SLX4IP: variants seen among roughly 807,000 people sequenced by gnomAD.
SLX4IP encodes protein SLX4IP.
Under a neutral mutation model 32.9 loss-of-function variants are expected in SLX4IP, and 34 were observed. The ratio of observed to expected loss-of-function variants is 1.03; its 90% confidence interval spans 0.79 to 1.38. The LOEUF is 1.38. Ranked by LOEUF, SLX4IP falls within the 40% of genes most tolerant of loss-of-function variation. The pLI is 0.00. For missense variants in SLX4IP, 444 were observed against 479.0 expected (o/e 0.93, Z 0.68); for synonymous variants, 172 against 171.7 (o/e 1.00, Z -0.01).
intron 4 of SLX4IP, among the ~76,000 whole-genome samples, chr20:10,592,104 T>A (rs1224653465): frequency 6.6e-6 from 1 of 152,214 alleles, no homozygotes; most frequent in African/African-American, 2.4e-5. Flanking sequence ...ATAGCTTTAT[T>A]GTGACTCAGA....
intron 4 of SLX4IP, among the ~76,000 whole-genome samples, chr20:10,572,436 A>G (rs2066476988): frequency 6.6e-6 from 1 of 152,156 alleles, no homozygotes; most frequent in Admixed American, 6.6e-5. Context: ...TTTAAAGTTC[A>G]TATTCTCTAT....
chr20:10,510,008 G>A (rs1402848205), intron 2 of SLX4IP, among the ~76,000 whole-genome samples: 1 of 152,084 alleles, frequency 6.6e-6, no homozygotes, highest in Non-Finnish European at 1.5e-5. Flanking sequence ...CAATATAATA[G>A]AATATTATGC....
chr20:10,507,301 G>A (rs1373348488), intron 2 of SLX4IP, among the ~76,000 whole-genome samples: 2 of 139,062 alleles, frequency 1.4e-5, no homozygotes, highest in Admixed American at 7.0e-5. Flanking sequence ...AGTGCCCCAG[G>A]CAGAGGAACA....
intron 4 of SLX4IP, among the ~76,000 whole-genome samples, chr20:10,571,637 T>C (rs187333353): frequency 6.6e-6 from 1 of 152,336 alleles, no homozygotes; most frequent in East Asian, 1.9e-4. Flanking sequence ...TTGTTCCAGT[T>C]GCTTCCCTGC....
rs2065302904 is a variant in SLX4IP at position 10,458,116 on chromosome 20, T to A, written c.-29-60T>A. The A allele has an allele frequency of 3.7e-6, 4 of 1,077,884 alleles. No individual in the cohort carries two copies. The Admixed American group carries it at 7.9e-5, about 21-fold the overall frequency. The allele number at this position is 1,077,884 out of a possible 1,614,324, so 66.8% of individuals were successfully genotyped here. On this transcript the variant is annotated intron_variant, in intron 1 of 7. Transcript: ENST00000334534. Reference sequence around the variant, plus strand: ...CTATTCAGCCCATCTTTTTCCTGTATAATATCCAAATAAAAAGAAATTTTA... The same window carrying A: ...CTATTCAGCCCATCTTTTTCCTGTAAAATATCCAAATAAAAAGAAATTTTA...
intron 2 of SLX4IP, among the ~76,000 whole-genome samples, chr20:10,476,664 G>A (rs2065477479): frequency 6.6e-6 from 1 of 152,116 alleles, no homozygotes; most frequent in Non-Finnish European, 1.5e-5. Context: ...TTGGGGACTG[G>A]AATATTTATT....
At chr20:10,515,886 TGTTGTTGTG>T (rs917712779) in intron 2 of SLX4IP, among the ~76,000 whole-genome samples, 4 of 152,304 alleles carry the variant, frequency 2.6e-5, no homozygotes, top group African/African-American at 9.6e-5. Context: ...GAGGTTTTTT[TGTTGTTGTG>T]GTTGTTGTTT....
intron 2 of SLX4IP, among the ~76,000 whole-genome samples, chr20:10,493,553 G>GTTC (rs36063312): frequency 0.39 from 59,137 of 151,440 alleles, 11,722 homozygotes; most frequent in Non-Finnish European, 0.43. Flanking sequence ...CTTTCATTAA[G>GTTC]TTCTTTTTTT....
chr20:10,592,838 G>C (rs621634), intron 4 of SLX4IP, among the ~76,000 whole-genome samples: 4 of 151,480 alleles, frequency 2.6e-5, no homozygotes, highest in Admixed American at 2.0e-4. Flanking sequence ...TTCACCATGT[G>C]AGCCAGGATG....
chr20:10,534,553 T>C (rs989112959), intron 2 of SLX4IP, among the ~76,000 whole-genome samples: 2 of 152,114 alleles, frequency 1.3e-5, no homozygotes, highest in East Asian at 3.9e-4. Flanking sequence ...AGCCTGAGCC[T>C]AGGGGAAGGT....
chr20:10,623,338 A>G lies in SLX4IP; in HGVS notation c.1186A>G (p.Ser396Gly), dbSNP rs1402614405. 1 of 1,612,388 alleles carries G rather than the reference A, an allele frequency of 6.2e-7. No homozygotes were observed. Among genetic ancestry groups the G allele is most frequent in the Non-Finnish European group, 8.5e-7 (1 of 1,179,376 alleles). Residue 396 changes from serine to glycine, a missense_variant, in exon 8 of 8, where the codon AGC (serine) becomes GGC (glycine). Coordinates refer to ENST00000334534, the MANE Select transcript of SLX4IP (RefSeq NM_001009608.3). The part of the protein sequence containing the change: ...NTERLSTIQN[S>G]PTKKRKKYER... ...TGAAAGATTATCTACAATTCAGAAC[A>G]GCCCAACCAAGAAAAGAAAGAAATA...
At chr20:10,519,330 C>A (rs1032292300) in intron 2 of SLX4IP, among the ~76,000 whole-genome samples, 1 of 152,134 alleles carries the variant, frequency 6.6e-6, no homozygotes, top group African/African-American at 2.4e-5. Flanking sequence ...ATCACCCCCC[C>A]AAAAAGAAAC....
chr20:10,581,879 G>A (rs1568753251), intron 4 of SLX4IP, among the ~76,000 whole-genome samples: 2 of 152,100 alleles, frequency 1.3e-5, no homozygotes, highest in Non-Finnish European at 2.9e-5. Context: ...CTATGATCAC[G>A]CCACTGTCCA....
intron 2 of SLX4IP, among the ~76,000 whole-genome samples, chr20:10,542,301 G>A (rs919292663): frequency 3.3e-5 from 5 of 152,132 alleles, no homozygotes; most frequent in Non-Finnish European, 5.9e-5. Flanking sequence ...TGGTCTGATC[G>A]TCTTCCTTAG....
chr20:10,516,516 A>G (rs1211614680), intron 2 of SLX4IP, among the ~76,000 whole-genome samples: 8 of 152,224 alleles, frequency 5.3e-5, no homozygotes, highest in Non-Finnish European at 1.2e-4. Context: ...GGCAGCACTG[A>G]GGAATGAGCA....
At chr20:10,461,430 T>C (rs2065337265) in intron 2 of SLX4IP, among the ~76,000 whole-genome samples, 1 of 152,202 alleles carries the variant, frequency 6.6e-6, no homozygotes, top group Non-Finnish European at 1.5e-5. Flanking sequence ...ATAATAGGGA[T>C]AGGGACAGGG....
intron 6 of SLX4IP, among the ~76,000 whole-genome samples, chr20:10,606,759 A>ATAATAAACT (rs2066911156): frequency 6.6e-6 from 1 of 152,238 alleles, no homozygotes; most frequent in South Asian, 2.1e-4. Flanking sequence ...CTCTTCATAC[A>ATAATAAACT]TCATACTTAA....
At chr20:10,491,589 T>G (rs2065624589) in intron 2 of SLX4IP, among the ~76,000 whole-genome samples, 1 of 152,232 alleles carries the variant, frequency 6.6e-6, no homozygotes, top group Non-Finnish European at 1.5e-5. Context: ...ATGGTGCATC[T>G]TTTACATCTG....
chr20:10,493,859 CTTTTTTTTTTT>C (rs58299545), intron 2 of SLX4IP, among the ~76,000 whole-genome samples: 5 of 70,544 alleles, frequency 7.1e-5, no homozygotes, highest in Non-Finnish European at 1.3e-4. Flanking sequence ...TTATAGTTGC[CTTTTTTTTTTT>C]TTTTTTTTTT....
Sources: allele counts gnomAD v4.1 joint callset (sites outside exome capture counted in the v4.1 genomes callset), GRCh38; gene constraint gnomAD v4.1.1; transcripts MANE v1.5; gene names NCBI Gene and HGNC (gene_info 2026-07-23, HGNC 2026-07-21).